The following ADCY2 variants were observed in gnomAD, a reference collection of about 807,000 sequenced individuals.
The protein encoded by ADCY2 is adenylate cyclase 2, also known as adenylate cyclase type 2.
A neutral mutation model predicts 125.2 loss-of-function variants in ADCY2; 31 were observed. The ratio of observed to expected loss-of-function variants is 0.25; its 90% CI spans 0.19 to 0.33. The LOEUF (loss-of-function observed/expected upper bound fraction) is 0.33. ADCY2 is among the 10% of genes least tolerant of loss of function. The pLI, the probability that ADCY2 is intolerant of heterozygous loss-of-function variation, is 1.00. For missense variants in ADCY2, 904 were observed against 1,418.2 expected, an observed-to-expected ratio of 0.64 and a Z score of 5.82; for synonymous variants, 512 against 548.4, an observed-to-expected ratio of 0.93 and a Z score of 0.93.
At chr5:7,570,286 C>A (rs112242469) in intron 3 of ADCY2, among the ~76,000 whole-genome samples, 41 of 152,226 alleles carry the variant, frequency 2.7e-4, no homozygotes, top group African/African-American at 9.4e-4. Context: ...AACAGCTGAA[C>A]TGTGTGTTAA....
At chr5:7,664,989 C>T (rs1739663722) in intron 4 of ADCY2, among the ~76,000 whole-genome samples, 1 of 152,118 alleles carries the variant, frequency 6.6e-6, no homozygotes. Flanking sequence ...CCCGCCCCCT[C>T]CTCCTCACTT....
At chr5:7,765,573 C>G (rs1743351131) in intron 16 of ADCY2, among the ~76,000 whole-genome samples, 1 of 151,940 alleles carries the variant, frequency 6.6e-6, no homozygotes, top group Non-Finnish European at 1.5e-5. Context: ...GAGGAATGTT[C>G]CCAAGAATAG....
chr5:7,791,312 A>G (rs971922097), intron 20 of ADCY2, among the ~76,000 whole-genome samples: 8 of 152,034 alleles, frequency 5.3e-5, no homozygotes, highest in Non-Finnish European at 1.0e-4. Context: ...CATGCGCAAA[A>G]GAGGTGGGGG....
intron 3 of ADCY2, among the ~76,000 whole-genome samples, chr5:7,569,774 A>C (rs1736016151): frequency 6.6e-6 from 1 of 152,144 alleles, no homozygotes; most frequent in Non-Finnish European, 1.5e-5. Context: ...GAGAGACAGA[A>C]AGATTGGTTT....
At chr5:7,677,332 C>T in intron 4 of ADCY2, among the ~76,000 whole-genome samples, 1 of 152,108 alleles carries the variant, frequency 6.6e-6, no homozygotes, top group Non-Finnish European at 1.5e-5. Flanking sequence ...CCCTTGGTTC[C>T]ACCAAGCCTT....
chr5:7,807,764 T>C lies in ADCY2; in HGVS notation c.2883+3072T>C, dbSNP rs192173065. Among the ~76,000 whole-genome samples, 710 of 152,226 alleles carry C rather than the reference T, an allele frequency of 4.7e-3. 3 individuals carry two copies. The highest frequency in any genetic ancestry group is 7.6e-3 in the Non-Finnish European group (518 of 68,004). On this transcript the variant is annotated intron_variant, in intron 22 of 24. Transcript: ENST00000338316. ...GCCATTTTCTTCTTGTCCTCCCCAC[T>C]TTGGAAACAGGGCCCCAACCCTCTG...
intron 15 of ADCY2, among the ~76,000 whole-genome samples, chr5:7,754,008 G>A (rs1742909757): frequency 1.3e-5 from 2 of 152,172 alleles, no homozygotes; most frequent in Admixed American, 1.3e-4. Flanking sequence ...TTTGAGGTAT[G>A]CATGGAAAAT....
At chr5:7,503,465 AG>A (rs1251861890) in intron 2 of ADCY2, among the ~76,000 whole-genome samples, 4 of 152,208 alleles carry the variant, frequency 2.6e-5, no homozygotes, top group Admixed American at 2.6e-4. Flanking sequence ...TAAGTAAGAC[AG>A]GCTTCATCTT....
chr5:7,772,066 T>G (rs913186920), intron 17 of ADCY2, among the ~76,000 whole-genome samples: 1 of 152,138 alleles, frequency 6.6e-6, no homozygotes, highest in African/African-American at 2.4e-5. Context: ...CTTTTTTATC[T>G]CTGTTGTTTT....
intron 14 of ADCY2, among the ~76,000 whole-genome samples, chr5:7,732,515 C>T (rs1742133608): frequency 6.6e-6 from 1 of 152,212 alleles, no homozygotes; most frequent in African/African-American, 2.4e-5. Context: ...GATTTGAATA[C>T]CTTCTATGTA....
intron 3 of ADCY2, among the ~76,000 whole-genome samples, chr5:7,571,422 C>A (rs59977915): frequency 0.014 from 2,058 of 152,248 alleles, 43 homozygotes; most frequent in African/African-American, 0.047. Flanking sequence ...CTTCCTCCAC[C>A]TTTCTGTTCT....
chr5:7,815,073 G>A (rs75501144), intron 22 of ADCY2, among the ~76,000 whole-genome samples: 10 of 152,180 alleles, frequency 6.6e-5, no homozygotes, highest in African/African-American at 2.2e-4. Context: ...TCCTGGGTGC[G>A]TGCTTCTCGA....
intron 7 of ADCY2, among the ~76,000 whole-genome samples, chr5:7,698,633 C>T (rs750765332): frequency 3.9e-5 from 6 of 152,012 alleles, no homozygotes; most frequent in African/African-American, 7.3e-5. Context: ...TGAGAACATG[C>T]GGTATTTGGT....
intron 15 of ADCY2, among the ~76,000 whole-genome samples, chr5:7,745,243 G>A (rs755806775): frequency 1.3e-5 from 2 of 152,190 alleles, no homozygotes; most frequent in African/African-American, 2.4e-5. Flanking sequence ...AAAGGCTTTG[G>A]CCAAGGGTGG....
At chr5:7,426,657 G>C (rs999929943) in intron 2 of ADCY2, among the ~76,000 whole-genome samples, 1 of 152,196 alleles carries the variant, frequency 6.6e-6, no homozygotes, top group South Asian at 2.1e-4. Flanking sequence ...ATTGGAGTTT[G>C]TGAGTTTGTA....
intron 3 of ADCY2, among the ~76,000 whole-genome samples, chr5:7,573,123 A>C (rs961634848): frequency 7.9e-5 from 12 of 152,186 alleles, no homozygotes; most frequent in African/African-American, 2.9e-4. Flanking sequence ...AACTCTGCCT[A>C]CACCATGATT....
At chr5:7,817,823 C>CA (rs57731885) in intron 23 of ADCY2, among the ~76,000 whole-genome samples, 1,207 of 78,222 alleles carry the variant, frequency 0.015, 101 homozygotes, top group Non-Finnish European at 0.023. Context: ...ACGCTGTCAC[C>CA]AAAAAAAAAA....
intron 20 of ADCY2, among the ~76,000 whole-genome samples, chr5:7,791,521 A>T (rs1744248129): frequency 6.6e-6 from 1 of 152,204 alleles, no homozygotes; most frequent in Non-Finnish European, 1.5e-5. Context: ...TTCAGGGCAC[A>T]GTGGGCCTTC....
intron 2 of ADCY2, among the ~76,000 whole-genome samples, chr5:7,512,599 GA>G (rs1744109145): frequency 2.0e-5 from 3 of 152,178 alleles, no homozygotes; most frequent in Non-Finnish European, 4.4e-5. Flanking sequence ...TATTCCTTGT[GA>G]AAATTGCATC....
Sources: allele counts gnomAD v4.1 joint callset (sites outside exome capture counted in the v4.1 genomes callset), GRCh38; gene constraint gnomAD v4.1.1; transcripts MANE v1.5; gene names NCBI Gene and HGNC (gene_info 2026-07-23, HGNC 2026-07-21).